Variants in POU6F2 observed in about 807,000 individuals in gnomAD.
POU6F2 encodes POU class 6 homeobox 2, also known as POU domain, class 6, transcription factor 2.
In POU6F2, 31 loss-of-function variants were observed where a neutral mutation model predicts 71.3. The ratio of observed to expected loss-of-function variants is 0.43; its 90% CI spans 0.33 to 0.59. The LOEUF (loss-of-function observed/expected upper bound fraction) is 0.59. POU6F2 is among the 20% of genes least tolerant of loss of function. The pLI is 0.04. For synonymous variants in POU6F2, 347 were observed against 355.7 expected (o/e 0.98, Z 0.27); for missense variants, 783 against 856.8 (o/e 0.91, Z 1.07).
intron 5 of POU6F2, among the ~76,000 whole-genome samples, chr7:39,360,582 G>C (rs1046294461): frequency 1.8e-4 from 27 of 152,200 alleles, no homozygotes; most frequent in African/African-American, 6.0e-4. Context: ...CAGACCCCAA[G>C]AGAGGGGTTC....
At chr7:39,446,749 T>A (rs1788532066) in intron 7 of POU6F2, among the ~76,000 whole-genome samples, 1 of 152,226 alleles carries the variant, frequency 6.6e-6, no homozygotes, top group Non-Finnish European at 1.5e-5. Flanking sequence ...GTGTGTGGGA[T>A]GGACATCCGG....
chr7:39,124,207 C>T (rs141869252), intron 2 of POU6F2, among the ~76,000 whole-genome samples: 1,945 of 152,074 alleles, frequency 0.013, 43 homozygotes, highest in African/African-American at 0.043. Flanking sequence ...CCACCACACC[C>T]GGCTAATTTT....
intron 4 of POU6F2, among the ~76,000 whole-genome samples, chr7:39,273,236 G>T (rs1192400950): frequency 6.6e-6 from 1 of 152,160 alleles, no homozygotes; most frequent in Non-Finnish European, 1.5e-5. Context: ...GCTAGACTCT[G>T]TGACTTGCTT....
chr7:39,119,834 G>A (rs1792005761), intron 2 of POU6F2, among the ~76,000 whole-genome samples: 1 of 152,180 alleles, frequency 6.6e-6, no homozygotes, highest in African/African-American at 2.4e-5. Context: ...ATTTCTCCAG[G>A]TCAATAAGAA....
chr7:39,317,415 A>G (rs1292377248), intron 4 of POU6F2, among the ~76,000 whole-genome samples: 1 of 152,252 alleles, frequency 6.6e-6, no homozygotes, highest in Non-Finnish European at 1.5e-5. Flanking sequence ...CCTGGAACAT[A>G]GTAGGCTCTC....
chr7:39,241,064 G>A (rs1178013955), intron 4 of POU6F2, among the ~76,000 whole-genome samples: 1 of 152,096 alleles, frequency 6.6e-6, no homozygotes, highest in Non-Finnish European at 1.5e-5. Flanking sequence ...GCAACATCAT[G>A]TAACCTTCTC....
At chr7:39,018,354 C>T (rs1789607885) in intron 1 of POU6F2, among the ~76,000 whole-genome samples, 2 of 152,098 alleles carry the variant, frequency 1.3e-5, no homozygotes, top group Non-Finnish European at 2.9e-5. Context: ...ACAAGCCCAC[C>T]CTCTAGTTAC....
chr7:39,314,984 A>C (rs1261673210), intron 4 of POU6F2, among the ~76,000 whole-genome samples: 1 of 152,188 alleles, frequency 6.6e-6, no homozygotes, highest in African/African-American at 2.4e-5. Context: ...GCAAAACTTC[A>C]ACCTCTGTGG....
intron 2 of POU6F2, among the ~76,000 whole-genome samples, chr7:39,138,370 C>A (rs1226891138): frequency 1.3e-5 from 2 of 152,324 alleles, no homozygotes; most frequent in East Asian, 1.9e-4. Flanking sequence ...CTGTTAGCAA[C>A]CAGGCCTCAC....
Position 39,204,224 on chromosome 7 carries a change from T to C in POU6F2, c.278-11T>C. ...CATATATTAAGGGAGTATTTCTCTT[T>C]TGAATTCCAGGGGCTAGAGGAAACC... On this transcript the variant is annotated splice_polypyrimidine_tract_variant and intron_variant, in intron 2 of 9. Coordinates refer to ENST00000518318, the MANE Select transcript of POU6F2 (RefSeq NM_001370959.1). The C allele has an allele frequency of 1.2e-6, 2 of 1,611,484 alleles. No individual in the cohort carries two copies.
At chr7:39,221,177 C>T in intron 4 of POU6F2, among the ~76,000 whole-genome samples, 1 of 151,952 alleles carries the variant, frequency 6.6e-6, no homozygotes, top group Non-Finnish European at 1.5e-5. Flanking sequence ...ACAAATGGCA[C>T]TGGTTAAAAG....
In POU6F2 at chr7:39,415,927, C is replaced by T. The variant is rs142587585; in HGVS notation, c.1113+9187C>T. Among the ~76,000 whole-genome samples, 1,013 of 152,192 alleles carry T rather than the reference C, an allele frequency of 6.7e-3. 10 individuals are homozygous for T. The highest frequency in any genetic ancestry group is 0.023 in the African/African-American group (960 of 41,524). ...AGAACTGAGATTTGCGTTCCAAGTC[C>T]ATTCCCATCCTTCCATATCACCCTG... On this transcript the variant is annotated intron_variant, in intron 6 of 9. Coordinates refer to ENST00000518318, the MANE Select transcript of POU6F2 (RefSeq NM_001370959.1).
chr7:39,361,513 A>T (rs1355596854), intron 5 of POU6F2, among the ~76,000 whole-genome samples: 1 of 152,176 alleles, frequency 6.6e-6, no homozygotes, highest in Non-Finnish European at 1.5e-5. Context: ...GACCTACTAA[A>T]ATGCATTTGG....
intron 1 of POU6F2, among the ~76,000 whole-genome samples, chr7:39,058,847 A>G (rs984318152): frequency 6.6e-6 from 1 of 152,168 alleles, no homozygotes; most frequent in Non-Finnish European, 1.5e-5. Context: ...ACACAGGGGC[A>G]GGGAGTTTTA....
chr7:39,263,354 C>A (rs906419134), intron 4 of POU6F2, among the ~76,000 whole-genome samples: 3 of 152,106 alleles, frequency 2.0e-5, no homozygotes, highest in African/African-American at 7.2e-5. Context: ...AGTGGACCCA[C>A]GTTTTTAAAA....
At chr7:39,240,220 C>T (rs756543144) in intron 4 of POU6F2, among the ~76,000 whole-genome samples, 4 of 152,032 alleles carry the variant, frequency 2.6e-5, no homozygotes, top group Non-Finnish European at 5.9e-5. Context: ...AAGGAAATTA[C>T]CCCAAATCGG....
intron 7 of POU6F2, among the ~76,000 whole-genome samples, chr7:39,437,183 T>C (rs1172576931): frequency 1.3e-5 from 2 of 152,190 alleles, no homozygotes; most frequent in African/African-American, 4.8e-5. Context: ...TTGGAATAGT[T>C]CCAGAAGCAA....
intron 2 of POU6F2, among the ~76,000 whole-genome samples, chr7:39,093,576 C>T (rs575393521): frequency 5.9e-4 from 89 of 152,074 alleles, no homozygotes; most frequent in Middle Eastern, 3.4e-3. Context: ...TCATCTTTTC[C>T]TGTAAAATAA....
intron 6 of POU6F2, among the ~76,000 whole-genome samples, chr7:39,427,221 G>A (rs1005819019): frequency 1.3e-5 from 2 of 152,188 alleles, no homozygotes; most frequent in African/African-American, 4.8e-5. Context: ...AGTTCTCACA[G>A]TAACCTTATG....
Sources: gnomAD v4.1 joint callset for allele counts (sites outside exome capture counted in the v4.1 genomes callset) on GRCh38, gnomAD v4.1.1 for gene constraint, MANE v1.5 for transcripts, NCBI Gene and HGNC (gene_info 2026-07-23, HGNC 2026-07-21) for gene names.